Variants in RALGAPB observed in about 807,000 individuals in gnomAD.
RALGAPB encodes Ral GTPase activating protein non-catalytic subunit beta.
In RALGAPB, 25 loss-of-function variants were observed where a neutral mutation model predicts 161.1. The observed-to-expected ratio is 0.16, with a 90% confidence interval of 0.11 to 0.22. The LOEUF (loss-of-function observed/expected upper bound fraction) is 0.22. Ranked by LOEUF, RALGAPB falls within the 10% of genes least tolerant of loss-of-function variation. The pLI is 1.00. For missense variants in RALGAPB, 1,391 were observed against 1,815.2 expected (o/e 0.77, Z 4.25); for synonymous variants, 629 against 626.1 (o/e 1.00, Z -0.07).
intron 15 of RALGAPB, among the ~76,000 whole-genome samples, chr20:38,533,435 G>A: frequency 6.6e-6 from 1 of 152,332 alleles, no homozygotes. Flanking sequence ...GATTCTGTGA[G>A]TTTGTGGGTA....
intron 1 of RALGAPB, among the ~76,000 whole-genome samples, chr20:38,484,925 C>T (rs2085073358): frequency 6.6e-6 from 1 of 152,080 alleles, no homozygotes; most frequent in African/African-American, 2.4e-5. Context: ...CAACTCCCAA[C>T]CTCAGGTGAT....
At chr20:38,529,873 C>A (rs1040959838) in intron 13 of RALGAPB, among the ~76,000 whole-genome samples, 1 of 151,936 alleles carries the variant, frequency 6.6e-6, no homozygotes, top group Non-Finnish European at 1.5e-5. Context: ...AGAGAAAATA[C>A]ATTTACAGTA....
chr20:38,558,574 C>A, intron 23 of RALGAPB, 121 bp downstream of exon 23: 2 of 911,608 alleles, frequency 2.2e-6, no homozygotes, highest in African/African-American at 1.7e-5. Flanking sequence ...AGGACTGCAG[C>A]CTGGGAAGTG....
rs1247752030 is a variant in RALGAPB, at chr20:38,577,731, A to ACACACACACT, written c.*2765_*2766insACACACACTC. ...CACACACACACACACACACACACAC[A>ACACACACACT]CTCGCATACTCATGCACATTTTCCT... On this transcript the variant is annotated 3_prime_UTR_variant, in exon 30 of 30. Coordinates refer to ENST00000262879, the MANE Select transcript of RALGAPB (RefSeq NM_020336.4). 5 of 151,278 alleles carry ACACACACACT rather than the reference A, an allele frequency of 3.3e-5. No homozygotes were observed. Among genetic ancestry groups the ACACACACACT allele is most frequent in the African/African-American group, 1.2e-4 (5 of 40,782 alleles). The allele number at this position is 151,278 out of a possible 1,614,324, so 9.4% of individuals were successfully genotyped here. A position where few individuals can be genotyped will look rare whatever the true frequency, so the allele number is the denominator to read the frequency against.
chr20:38,575,634 C>T lies in RALGAPB; in HGVS notation c.*667C>T, dbSNP rs900021522. 1.3e-5 allele frequency: 2 copies of T among 152,494 alleles called. No individual in the cohort carries two copies. Among genetic ancestry groups the T allele is most frequent in the African/African-American group, 4.8e-5 (2 of 41,378 alleles). The allele number at this position is 152,494 out of a possible 1,614,324, so 9.4% of individuals were successfully genotyped here. ...CTGAAAGCCTCAGTTTCTGAGTGACCCAGGAACAGATCAGAAATGGAGCAT... is the reference window on the plus strand; with the variant it reads ...CTGAAAGCCTCAGTTTCTGAGTGACTCAGGAACAGATCAGAAATGGAGCAT... On this transcript the variant is annotated 3_prime_UTR_variant, in exon 30 of 30. Transcript: ENST00000262879.
At chr20:38,538,727 A>T (rs994028165) in intron 16 of RALGAPB, among the ~76,000 whole-genome samples, 7 of 152,206 alleles carry the variant, frequency 4.6e-5, no homozygotes, top group African/African-American at 7.2e-5. Flanking sequence ...TACCACTGCA[A>T]ATCTATTAGA....
At chr20:38,532,399 GC>G (rs2086682598) in intron 14 of RALGAPB, among the ~76,000 whole-genome samples, 1 of 152,106 alleles carries the variant, frequency 6.6e-6, no homozygotes, top group Non-Finnish European at 1.5e-5. Context: ...CTGAGGTTTT[GC>G]TTGGGAGGCA....
Position 38,499,625 on chromosome 20 carries a change from C to CA in RALGAPB, c.733dup (p.Thr245AsnfsTer17). ...AGTGGAGCAAGGTCATTTGTGCACT[C>CA]ACTTCCAGGTAGGTTATTGTCATTG... On this transcript the variant is annotated frameshift_variant, in exon 5 of 30. Coordinates refer to ENST00000262879, the MANE Select transcript of RALGAPB (RefSeq NM_020336.4). LOFTEE classifies it high-confidence loss of function. 2 of 1,611,390 alleles carry CA rather than the reference C, an allele frequency of 1.2e-6. No individual in the cohort carries two copies. Among genetic ancestry groups the CA allele is most frequent in the Non-Finnish European group, 1.7e-6 (2 of 1,178,846 alleles).
chr20:38,520,146 T>A (rs750120096), intron 9 of RALGAPB: 4 of 320,438 alleles, frequency 1.2e-5, no homozygotes, highest in Non-Finnish European at 1.8e-5. Flanking sequence ...GCTAAAAAGC[T>A]TCTTAATTTA....
chr20:38,541,476 C>T (rs982333584), intron 18 of RALGAPB, among the ~76,000 whole-genome samples: 1 of 151,920 alleles, frequency 6.6e-6, no homozygotes, highest in African/African-American at 2.4e-5. Flanking sequence ...TTACTGTACC[C>T]CCTCACTTTG....
In RALGAPB at chr20:38,509,200, CAT is replaced by C; in HGVS notation, c.865_866del (p.Met289ValfsTer3). The C allele has an allele frequency of 6.2e-7, 1 of 1,613,196 alleles. No individual in the cohort carries two copies. The highest frequency in any genetic ancestry group is 8.5e-7 in the Non-Finnish European group (1 of 1,179,322). ...CACAGACATGGTTTCGCTTTTTACACATGTTAAGGTATTGTTATTTTATTATT... is the reference window on the plus strand; with the variant it reads ...CACAGACATGGTTTCGCTTTTTACACGTTAAGGTATTGTTATTTTATTATT... ...VAQTWFRFLH[M>X]LSNPVDLSNP... On this transcript the variant is annotated frameshift_variant, in exon 6 of 30. Transcript: ENST00000262879. LOFTEE classifies it high-confidence loss of function.
chr20:38,533,763 T>C (rs940549266), intron 15 of RALGAPB, among the ~76,000 whole-genome samples: 5 of 152,236 alleles, frequency 3.3e-5, no homozygotes, highest in African/African-American at 7.2e-5. Context: ...AATTATCTTA[T>C]TCACTGTGTA....
chr20:38,486,986 A>T (rs1242506520), intron 1 of RALGAPB, among the ~76,000 whole-genome samples: 1 of 152,238 alleles, frequency 6.6e-6, no homozygotes, highest in Non-Finnish European at 1.5e-5. Flanking sequence ...TACACCACTA[A>T]TGAATGAGCT....
At chr20:38,521,435 G>C (rs1362656225) in intron 9 of RALGAPB, 62 bp from the exon 10 acceptor site, 23 of 1,598,632 alleles carry the variant, frequency 1.4e-5, no homozygotes, top group Admixed American at 1.7e-5. Flanking sequence ...TTTGTGTCCA[G>C]GGTCCCATGA....
chr20:38,478,864 C>T (rs951917631), intron 1 of RALGAPB, among the ~76,000 whole-genome samples: 2 of 152,174 alleles, frequency 1.3e-5, no homozygotes, highest in Admixed American at 1.3e-4. Context: ...GATCTGCCTA[C>T]CTCGGCCTCC....
chr20:38,482,678 C>T (rs1369119895), intron 1 of RALGAPB, among the ~76,000 whole-genome samples: 1 of 152,180 alleles, frequency 6.6e-6, no homozygotes, highest in African/African-American at 2.4e-5. Context: ...ATCCACCCAC[C>T]TTGGCTTCCC....
intron 2 of RALGAPB, among the ~76,000 whole-genome samples, chr20:38,490,539 T>C (rs918663150): frequency 3.3e-5 from 5 of 150,220 alleles, no homozygotes; most frequent in African/African-American, 1.2e-4. Flanking sequence ...AGAGTCTCGC[T>C]CTTGTTGGCC....
rs56716236 is a variant in RALGAPB, at chr20:38,577,698, G to GACACACACACACACACACAC, written c.*2746_*2765dup. ...ATTGGGCCTTTGAAAGGACTAATCA[G>GACACACACACACACACACAC]ACACACACACACACACACACACACA... On this transcript the variant is annotated 3_prime_UTR_variant, in exon 30 of 30. Coordinates refer to ENST00000262879, the MANE Select transcript of RALGAPB (RefSeq NM_020336.4). 7 of 146,226 alleles carry GACACACACACACACACACAC rather than the reference G, an allele frequency of 4.8e-5. No homozygotes were observed. Among genetic ancestry groups the GACACACACACACACACACAC allele is most frequent in the African/African-American group, 1.8e-4 (7 of 39,246 alleles). 9.1% of individuals were successfully genotyped at this position (146,226 alleles called of 1,614,324 possible). A position where few individuals can be genotyped will look rare whatever the true frequency, so the allele number is the denominator to read the frequency against.
At chr20:38,511,598 A>G (rs1439045469) in intron 6 of RALGAPB, among the ~76,000 whole-genome samples, 1 of 152,192 alleles carries the variant, frequency 6.6e-6, no homozygotes, top group Admixed American at 6.5e-5. Context: ...CCATTAATCC[A>G]TTTAACCCTG....
Sources: gnomAD v4.1 joint callset for allele counts (sites outside exome capture counted in the v4.1 genomes callset) on GRCh38, gnomAD v4.1.1 for gene constraint, MANE v1.5 for transcripts, NCBI Gene and HGNC (gene_info 2026-07-23, HGNC 2026-07-21) for gene names.